LPA: variants seen among roughly 807,000 people sequenced by gnomAD.
LPA encodes the protein apolipoprotein(a).
A neutral mutation model predicts 197.9 loss-of-function variants in LPA; 199 were observed. The observed-to-expected ratio is 1.01, with a 90% confidence interval of 0.90 to 1.13. The LOEUF (loss-of-function observed/expected upper bound fraction) is 1.13, where lower values mean the gene tolerates loss of function less well. Among genes scored for constraint, LPA ranks in the 50% most tolerant of loss-of-function variants. The pLI is 0.00. For missense variants in LPA, 1,853 were observed against 1,785.8 expected (o/e 1.04, Z -0.68); for synonymous variants, 715 against 639.5 (o/e 1.12, Z -1.78).
chr6:160,587,773 GTGTGTGTGTGTGTGTGTGTGTGTGTGTT>G, intron 24 of LPA, among the ~76,000 whole-genome samples: 1 of 119,336 alleles, frequency 8.4e-6, no homozygotes, highest in South Asian at 2.7e-4. Context: ...GTGTGTGTGT[GTGTGTGTGTGTGTGTGTGTGTGTGTGTT>G]TCTGTCTGTT....
chr6:160,599,709 A>G (rs774090044), intron 19 of LPA, 50 bp from the exon 20 acceptor site: 2 of 1,606,576 alleles, frequency 1.2e-6, no homozygotes, highest in Non-Finnish European at 1.7e-6. Context: ...AGAACAGAAA[A>G]ATACAGGAAG....
At chr6:160,659,430 G>C (rs1356297291) in intron 1 of LPA, among the ~76,000 whole-genome samples, 2 of 152,226 alleles carry the variant, frequency 1.3e-5, no homozygotes, top group Non-Finnish European at 2.9e-5. Context: ...ACAGAGTGCA[G>C]CCAGTGGAAA....
rs1293644230 is a variant in LPA at position 160,611,871 on chromosome 6, C to G, written c.2444-150G>C. ...GGCAGATGGATGGGAGAAAACCAAC[C>G]AAAAAACATACAGCAAACCTACAGA... On this transcript the variant is annotated intron_variant, in intron 15 of 38. Transcript: ENST00000316300. The G allele has an allele frequency of 6.9e-6, 4 of 577,118 alleles. No homozygotes were observed. The African/African-American group carries it at 8.9e-5, about 13-fold the overall frequency. The allele number at this position is 577,118 out of a possible 1,614,324, so 35.7% of individuals were successfully genotyped here.
At chr6:160,598,051 T>C (rs1204595563) in intron 20 of LPA, among the ~76,000 whole-genome samples, 1 of 152,178 alleles carries the variant, frequency 6.6e-6, no homozygotes, top group Non-Finnish European at 1.5e-5. Flanking sequence ...ACTCATAAAG[T>C]CTGACTTTTC....
chr6:160,610,504 T>C (rs538335122), intron 16 of LPA, among the ~76,000 whole-genome samples: 2 of 152,282 alleles, frequency 1.3e-5, no homozygotes, highest in South Asian at 4.1e-4. Flanking sequence ...TCTTCTTAAT[T>C]GAGCTTGCTG....
chr6:160,572,238 G>A (rs750416464), intron 28 of LPA, among the ~76,000 whole-genome samples: 4 of 152,088 alleles, frequency 2.6e-5, no homozygotes, highest in Non-Finnish European at 5.9e-5. Flanking sequence ...AGATGAGCCG[G>A]GTACCTTGGT....
intron 2 of LPA, among the ~76,000 whole-genome samples, chr6:160,648,722 A>G (rs545792022): frequency 2.0e-5 from 3 of 152,162 alleles, no homozygotes; most frequent in South Asian, 2.1e-4. Context: ...TAATTTTTTC[A>G]TTTAAGACAT....
intron 10 of LPA, among the ~76,000 whole-genome samples, chr6:160,626,199 A>AT (rs1327511054): frequency 1.8e-4 from 25 of 135,708 alleles, no homozygotes; most frequent in African/African-American, 6.5e-4. Flanking sequence ...CGATTCTGTG[A>AT]TTTTTTTTAA....
chr6:160,570,987 C>T (rs562794773), intron 28 of LPA, among the ~76,000 whole-genome samples: 1 of 152,286 alleles, frequency 6.6e-6, no homozygotes, highest in East Asian at 1.9e-4. Flanking sequence ...TTCCATTCTC[C>T]CATCACTTTC....
intron 37 of LPA, among the ~76,000 whole-genome samples, chr6:160,537,590 A>G (rs1318865478): frequency 1.3e-5 from 2 of 152,198 alleles, no homozygotes; most frequent in Admixed American, 1.3e-4. Context: ...TTTTTGTTGT[A>G]AGGGAAACAT....
At chr6:160,606,283 G>A (rs1439412586) in intron 17 of LPA, among the ~76,000 whole-genome samples, 194 bp downstream of exon 17, 1 of 152,154 alleles carries the variant, frequency 6.6e-6, no homozygotes, top group Non-Finnish European at 1.5e-5. Context: ...TAAAGACACA[G>A]CCCACCCAAC....
At chr6:160,532,693 T>C (rs1777825651) in intron 37 of LPA, 44 bp from the exon 38 acceptor site, 2 of 1,313,942 alleles carry the variant, frequency 1.5e-6, no homozygotes, top group Admixed American at 1.7e-5. Context: ...AGGCCAAAGC[T>C]TGTTCACGAG....
intron 36 of LPA, among the ~76,000 whole-genome samples, chr6:160,538,897 AC>A (rs1777934179): frequency 6.6e-6 from 1 of 152,264 alleles, no homozygotes; most frequent in African/African-American, 2.4e-5. Flanking sequence ...CCATCAGAAC[AC>A]CCCAGCTCTC....
chr6:160,660,180 C>G (rs905753656), intron 1 of LPA, among the ~76,000 whole-genome samples: 3 of 117,464 alleles, frequency 2.6e-5, no homozygotes, highest in Admixed American at 7.7e-5. Flanking sequence ...CAGATGTATA[C>G]TAACTGCAAC....
intron 7 of LPA, among the ~76,000 whole-genome samples, chr6:160,634,355 C>T (rs1252952531): frequency 3.0e-5 from 3 of 101,094 alleles, no homozygotes; most frequent in African/African-American, 9.1e-5. Context: ...GCCAAGGCCT[C>T]TGGCTTCCAG....
intron 21 of LPA, among the ~76,000 whole-genome samples, chr6:160,594,900 A>T (rs1411552137): frequency 6.6e-6 from 1 of 152,178 alleles, no homozygotes; most frequent in African/African-American, 2.4e-5. Flanking sequence ...TGGAACTAAG[A>T]AAAGTCATAT....
chr6:160,532,784 C>A, intron 37 of LPA, 135 bp from the exon 38 acceptor site: 1 of 717,748 alleles, frequency 1.4e-6, no homozygotes, highest in Admixed American at 1.9e-5. Context: ...GCTCCCAATG[C>A]CACTGGACTC....
intron 17 of LPA, among the ~76,000 whole-genome samples, chr6:160,606,105 C>A (rs1208839428): frequency 1.3e-5 from 2 of 152,178 alleles, no homozygotes; most frequent in South Asian, 4.1e-4. Flanking sequence ...GAAGATTGCA[C>A]TGAATGCTGG....
chr6:160,662,159 G>C (rs946941269), intron 1 of LPA, among the ~76,000 whole-genome samples: 1 of 152,072 alleles, frequency 6.6e-6, no homozygotes, highest in Admixed American at 6.5e-5. Flanking sequence ...GGCTCATATG[G>C]CAATGGGGAT....
Sources: allele counts gnomAD v4.1 joint callset (sites outside exome capture counted in the v4.1 genomes callset), GRCh38; gene constraint gnomAD v4.1.1; transcripts MANE v1.5; gene names NCBI Gene and HGNC (gene_info 2026-07-23, HGNC 2026-07-21).